DNAJC13: variants seen among roughly 807,000 people sequenced by gnomAD.
DNAJC13 encodes the protein dnaJ homolog subfamily C member 13.
DNAJC13 carries 75 observed loss-of-function variants against 290.5 expected under a neutral mutation model. The observed-to-expected ratio is 0.26, with a 90% CI of 0.21 to 0.31. The LOEUF (loss-of-function observed/expected upper bound fraction) is 0.31. Among genes scored for constraint, DNAJC13 ranks in the 10% least tolerant of loss-of-function variants. The probability of loss-of-function intolerance (pLI) is 1.00; values close to 1 mark genes in which losing one functional copy is unlikely to be tolerated. For missense variants in DNAJC13, 2,260 were observed against 2,674.5 expected, an observed-to-expected ratio of 0.85 and a Z score of 3.42; for synonymous variants, 862 against 892.0, an observed-to-expected ratio of 0.97 and a Z score of 0.60.
chr3:132,429,773 C>T (rs1481845058), intron 1 of DNAJC13, among the ~76,000 whole-genome samples: 6 of 152,098 alleles, frequency 3.9e-5, no homozygotes, highest in African/African-American at 1.2e-4. Context: ...TCTCTTCCCT[C>T]CCTTACCTCT....
chr3:132,478,191 G>C, intron 24 of DNAJC13, 51 bp downstream of exon 24: 1 of 1,468,046 alleles, frequency 6.8e-7, no homozygotes, highest in South Asian at 1.4e-5. Context: ...ACTAGGGTAT[G>C]TGTTAAATTT....
At chr3:132,527,657 C>T (rs1463937164) in intron 53 of DNAJC13, among the ~76,000 whole-genome samples, 2 of 152,166 alleles carry the variant, frequency 1.3e-5, no homozygotes, top group East Asian at 3.8e-4. Flanking sequence ...GGTGCATTCA[C>T]TAAATGTCTT....
At chr3:132,453,248 ACATTT>A in intron 6 of DNAJC13, 45 bp from the exon 7 acceptor site, 1 of 1,546,088 alleles carries the variant, frequency 6.5e-7, no homozygotes, top group Non-Finnish European at 8.8e-7. Context: ...AGCTACAGAC[ACATTT>A]CAGTTGTTTC....
At chr3:132,537,564 CTG>C (rs1396545298) in intron 55 of DNAJC13, among the ~76,000 whole-genome samples, 2 of 152,182 alleles carry the variant, frequency 1.3e-5, no homozygotes, top group Non-Finnish European at 2.9e-5. Flanking sequence ...GCAATAGAAA[CTG>C]TTAGAATCAA....
chr3:132,466,367 T>C lies in DNAJC13; in HGVS notation c.2037T>C (p.His679=). ...LVPEKDADRM[H]VRDNVKIAMD... is the part of the protein sequence containing the mutation. ...CTGAGAAGGATGCTGATCGGATGCATGTTAGAGACAATGTGAAAATAGCAA... is the reference window on the plus strand; with the variant it reads ...CTGAGAAGGATGCTGATCGGATGCACGTTAGAGACAATGTGAAAATAGCAA... Residue 679 remains histidine (H), a synonymous_variant, in exon 19 of 56, where the codon CAT becomes CAC. Transcript: ENST00000260818. 6.3e-7 allele frequency: 1 copy of C among 1,599,610 alleles called. No individual in the cohort carries two copies. Among genetic ancestry groups the C allele is most frequent in the Non-Finnish European group, 8.5e-7 (1 of 1,175,896 alleles).
intron 6 of DNAJC13, 29 bp from the exon 7 acceptor site, chr3:132,453,269 T>C (rs772069352): frequency 6.9e-6 from 11 of 1,602,980 alleles, no homozygotes; most frequent in Non-Finnish European, 9.4e-6. Flanking sequence ...GTTTCAACTC[T>C]GACTTTTTAA....
intron 5 of DNAJC13, among the ~76,000 whole-genome samples, chr3:132,449,882 C>T (rs909364669): frequency 6.6e-6 from 1 of 152,016 alleles, no homozygotes; most frequent in Non-Finnish European, 1.5e-5. Context: ...TTTCTCTTTG[C>T]TTCAGTTTTC....
chr3:132,537,150 C>A, intron 55 of DNAJC13: 1 of 456,210 alleles, frequency 2.2e-6, no homozygotes, highest in Non-Finnish European at 4.4e-6. Flanking sequence ...TTTCTTTTTT[C>A]CCCTCAGGTG....
intron 21 of DNAJC13, among the ~76,000 whole-genome samples, 161 bp downstream of exon 21, chr3:132,473,388 T>A (rs1431628966): frequency 6.6e-6 from 1 of 152,228 alleles, no homozygotes; most frequent in Non-Finnish European, 1.5e-5. Context: ...TGACTAGAGA[T>A]GCTCCTAAAA....
chr3:132,500,147 C>A (rs1935364388), intron 38 of DNAJC13, among the ~76,000 whole-genome samples: 1 of 152,196 alleles, frequency 6.6e-6, no homozygotes, highest in Non-Finnish European at 1.5e-5. Flanking sequence ...TTTCACATAT[C>A]TTCCATCCCT....
chr3:132,456,132 T>A, intron 9 of DNAJC13, 103 bp from the exon 10 acceptor site: 1 of 995,306 alleles, frequency 1.0e-6, no homozygotes, highest in Non-Finnish European at 1.5e-6. Flanking sequence ...CTGTAGTGTG[T>A]CCCTGAGCAG....
chr3:132,425,228 T>G (rs777591373), intron 1 of DNAJC13, among the ~76,000 whole-genome samples: 18 of 152,154 alleles, frequency 1.2e-4, no homozygotes, highest in Admixed American at 7.2e-4. Flanking sequence ...CCCTCCCTTT[T>G]TGGTAAGATA....
intron 6 of DNAJC13, 39 bp downstream of exon 6, chr3:132,450,886 G>A: frequency 6.5e-6 from 8 of 1,235,378 alleles, no homozygotes; most frequent in Non-Finnish European, 7.8e-6. Context: ...CTTTAAAAGG[G>A]TCATGACCAT....
At chr3:132,440,811 A>G (rs533589025) in intron 2 of DNAJC13, among the ~76,000 whole-genome samples, 97 of 152,344 alleles carry the variant, frequency 6.4e-4, no homozygotes, top group Non-Finnish European at 8.1e-4. Flanking sequence ...TGTATTATCC[A>G]TATCTTTCAG....
At chr3:132,447,205 T>C (rs1322112188) in intron 3 of DNAJC13, 116 bp from the exon 4 acceptor site, 3 of 903,944 alleles carry the variant, frequency 3.3e-6, no homozygotes, top group African/African-American at 1.7e-5. Flanking sequence ...ATTTCTAGAC[T>C]CTATTTTATA....
At chr3:132,455,890 G>A (rs1394313595) in intron 9 of DNAJC13, among the ~76,000 whole-genome samples, 2 of 152,180 alleles carry the variant, frequency 1.3e-5, no homozygotes, top group South Asian at 2.1e-4. Flanking sequence ...AACTGATGAT[G>A]ATTATACAGT....
intron 20 of DNAJC13, among the ~76,000 whole-genome samples, chr3:132,469,391 TTAG>T (rs762083054): frequency 3.3e-5 from 5 of 152,230 alleles, no homozygotes; most frequent in Non-Finnish European, 5.9e-5. Context: ...CTGTGCTGGA[TTAG>T]TAGTAACCTT....
chr3:132,513,326 C>T (rs1935833690), intron 45 of DNAJC13, among the ~76,000 whole-genome samples: 1 of 152,044 alleles, frequency 6.6e-6, no homozygotes, highest in African/African-American at 2.4e-5. Context: ...TTCTGTTATG[C>T]GTTAGGGCTT....
chr3:132,503,364 G>A lies in DNAJC13; in HGVS notation c.4867G>A (p.Val1623Met), dbSNP rs1935482892. ...ACCCTATGTTGCTAGAAAACTTGCT[G>A]TGGCTAGTGTGACTGAGGTATGTGC... ...LTPYVARKLAVASVTEILKML... is the reference protein window; with the variant it reads ...LTPYVARKLAMASVTEILKML... Residue 1623 changes from valine (V) to methionine (M), a missense_variant, in exon 41 of 56, where the codon GTG becomes ATG. Val to Met is a conservative substitution (Grantham distance 21). This residue lies in a region of DNAJC13 where 1,494 missense variants were observed against 1,693.7 expected (regional missense o/e 0.88). Coordinates refer to ENST00000260818, the MANE Select transcript of DNAJC13 (RefSeq NM_015268.4). 2.5e-6 allele frequency: 4 copies of A among 1,613,926 alleles called. No homozygotes were observed. Among genetic ancestry groups the A allele is most frequent in the Admixed American group, 3.3e-5 (2 of 60,004 alleles).
Sources: allele counts gnomAD v4.1 joint callset (sites outside exome capture counted in the v4.1 genomes callset), GRCh38; gene constraint gnomAD v4.1.1; regional missense constraint gnomAD v4.1.1; transcripts MANE v1.5; gene names NCBI Gene and HGNC (gene_info 2026-07-23, HGNC 2026-07-21).